The following KCNIP4 variants were observed in gnomAD, a reference collection of about 807,000 sequenced individuals.
KCNIP4 encodes the protein potassium voltage-gated channel interacting protein 4.
In KCNIP4, 12 loss-of-function variants were observed where a neutral mutation model predicts 34.0. That is an observed-to-expected ratio of 0.35 (90% CI 0.23 to 0.57). The LOEUF is 0.57. KCNIP4 is among the 20% of genes least tolerant of loss of function. The pLI is 0.83. For synonymous variants in KCNIP4, 124 were observed against 102.2 expected, an observed-to-expected ratio of 1.21 and a Z score of -1.29; for missense variants, 238 against 311.7, an observed-to-expected ratio of 0.76 and a Z score of 1.78.
rs1754602433 is a variant in KCNIP4 at position 21,178,496 on chromosome 4, TATAGTAA to T, written c.62-295794_62-295788del. Reference sequence around the variant, plus strand: ...TCACAGACCTCAGTTTATTTCCAGGTATAGTAACCATGTGTCCAGGATAGTTATTTAA... The same window carrying T: ...TCACAGACCTCAGTTTATTTCCAGGTCCATGTGTCCAGGATAGTTATTTAA... On this transcript the variant is annotated intron_variant, in intron 1 of 8. Transcript: ENST00000382152. Among the ~76,000 whole-genome samples the T allele has an allele frequency of 6.4e-3, 958 of 150,316 alleles. 26 individuals carry two copies. Among genetic ancestry groups the T allele is most frequent in the African/African-American group, 0.022 (873 of 39,730 alleles).
intron 1 of KCNIP4, among the ~76,000 whole-genome samples, chr4:21,540,877 A>G (rs1198385885): frequency 6.6e-6 from 1 of 152,074 alleles, no homozygotes; most frequent in Non-Finnish European, 1.5e-5. Context: ...ATGACCATAA[A>G]TCAAGAGATG....
chr4:20,985,038 A>T (rs900218911), intron 1 of KCNIP4, among the ~76,000 whole-genome samples: 2 of 152,194 alleles, frequency 1.3e-5, no homozygotes, highest in Non-Finnish European at 2.9e-5. Flanking sequence ...ACACTGGCTG[A>T]ATCACTTTGT....
At chr4:20,767,743 TCTC>T (rs1345962694) in intron 3 of KCNIP4, among the ~76,000 whole-genome samples, 4 of 152,262 alleles carry the variant, frequency 2.6e-5, no homozygotes, top group African/African-American at 9.6e-5. Context: ...ATATGTGTCT[TCTC>T]CTCAGGATCA....
intron 1 of KCNIP4, among the ~76,000 whole-genome samples, chr4:21,628,055 T>C (rs1745457172): frequency 6.6e-6 from 1 of 152,192 alleles, no homozygotes; most frequent in South Asian, 2.1e-4. Flanking sequence ...ATAATAATGC[T>C]ATATATTGGT....
At chr4:21,474,001 A>G (rs1730695756) in intron 1 of KCNIP4, among the ~76,000 whole-genome samples, 1 of 152,156 alleles carries the variant, frequency 6.6e-6, no homozygotes. Flanking sequence ...GGCGTGAGCC[A>G]CCACTCCCGG....
At chr4:20,739,304 G>A (rs1014364672) in intron 5 of KCNIP4, among the ~76,000 whole-genome samples, 15 of 152,178 alleles carry the variant, frequency 9.9e-5, no homozygotes, top group East Asian at 3.9e-4. Context: ...CCTGACCCCC[G>A]AGTAGCATAA....
At chr4:21,137,439 T>C (rs940154843) in intron 1 of KCNIP4, among the ~76,000 whole-genome samples, 1 of 152,214 alleles carries the variant, frequency 6.6e-6, no homozygotes, top group African/African-American at 2.4e-5. Flanking sequence ...TCTTTTTTCA[T>C]TTCTTTGTAA....
chr4:21,324,129 C>T (rs1560290532), intron 1 of KCNIP4, among the ~76,000 whole-genome samples: 1 of 151,712 alleles, frequency 6.6e-6, no homozygotes, highest in East Asian at 1.9e-4. Flanking sequence ...GTTTTGAGTT[C>T]CTTATATATT....
intron 1 of KCNIP4, among the ~76,000 whole-genome samples, chr4:21,239,359 GC>G (rs1435077971): frequency 5.3e-5 from 8 of 151,296 alleles, no homozygotes; most frequent in African/African-American, 1.9e-4. Flanking sequence ...GGCAACAAAA[GC>G]CAAAATTGAC....
chr4:21,786,182 T>C (rs1365217956), intron 1 of KCNIP4, among the ~76,000 whole-genome samples: 1 of 152,170 alleles, frequency 6.6e-6, no homozygotes, highest in African/African-American at 2.4e-5. Context: ...CTGTTGACCT[T>C]GTGATCTGCC....
chr4:20,769,214 T>C (rs1578573937), intron 3 of KCNIP4, among the ~76,000 whole-genome samples: 2 of 152,152 alleles, frequency 1.3e-5, no homozygotes, highest in Non-Finnish European at 2.9e-5. Context: ...CTAATTGGCA[T>C]TATGTATATA....
At chr4:21,257,829 A>G (rs747750421) in intron 1 of KCNIP4, among the ~76,000 whole-genome samples, 1 of 152,126 alleles carries the variant, frequency 6.6e-6, no homozygotes, top group African/African-American at 2.4e-5. Context: ...AGACCTGTTC[A>G]TGACTCTGAT....
At chr4:21,916,749 G>A (rs1159932500) in intron 1 of KCNIP4, among the ~76,000 whole-genome samples, 7 of 152,166 alleles carry the variant, frequency 4.6e-5, no homozygotes, top group Non-Finnish European at 1.0e-4. Flanking sequence ...CTCAAATGAC[G>A]TTATTTGTTA....
chr4:21,175,911 C>T (rs1754370647), intron 1 of KCNIP4, among the ~76,000 whole-genome samples: 1 of 152,142 alleles, frequency 6.6e-6, no homozygotes, highest in Non-Finnish European at 1.5e-5. Flanking sequence ...TACCGTCTTC[C>T]AGTACTTTTC....
chr4:21,174,567 C>T (rs1214465817), intron 1 of KCNIP4, among the ~76,000 whole-genome samples: 1 of 152,118 alleles, frequency 6.6e-6, no homozygotes, highest in Non-Finnish European at 1.5e-5. Flanking sequence ...CTTTCATTGA[C>T]TCTCTGGTAC....
chr4:20,834,044 G>C (rs1288063775), intron 3 of KCNIP4, among the ~76,000 whole-genome samples: 1 of 152,166 alleles, frequency 6.6e-6, no homozygotes, highest in Non-Finnish European at 1.5e-5. Context: ...TAGCTCAAGA[G>C]GGAATTTAGA....
chr4:21,179,986 A>G (rs1754724623), intron 1 of KCNIP4, among the ~76,000 whole-genome samples: 2 of 152,194 alleles, frequency 1.3e-5, no homozygotes, highest in African/African-American at 4.8e-5. Context: ...AGCACAGAGC[A>G]AGTCACTGAG....
intron 1 of KCNIP4, among the ~76,000 whole-genome samples, chr4:21,625,823 C>T (rs1459546670): frequency 6.6e-6 from 1 of 152,144 alleles, no homozygotes; most frequent in African/African-American, 2.4e-5. Context: ...CACAGCAAAT[C>T]ATTACACTGT....
At chr4:20,880,366 T>C (rs1048645564) in intron 2 of KCNIP4, among the ~76,000 whole-genome samples, 3 of 151,908 alleles carry the variant, frequency 2.0e-5, no homozygotes, top group African/African-American at 7.3e-5. Flanking sequence ...AAGGCAGGAG[T>C]CTTATGGGGT....
Sources: allele counts gnomAD v4.1 joint callset (sites outside exome capture counted in the v4.1 genomes callset), GRCh38; gene constraint gnomAD v4.1.1; transcripts MANE v1.5; gene names NCBI Gene and HGNC (gene_info 2026-07-23, HGNC 2026-07-21).